Variants in TRHDE observed in about 807,000 individuals in gnomAD.
TRHDE encodes thyrotropin-releasing hormone-degrading ectoenzyme.
Under a neutral mutation model 125.7 loss-of-function variants are expected in TRHDE, and 72 were observed. The observed-to-expected ratio is 0.57, with a 90% CI of 0.47 to 0.70. The LOEUF (loss-of-function observed/expected upper bound fraction) is 0.70, where lower values mean the gene tolerates loss of function less well. Ranked by LOEUF, TRHDE falls within the 30% of genes least tolerant of loss-of-function variation. The pLI, the probability that TRHDE is intolerant of heterozygous loss-of-function variation, is 0.00. For synonymous variants in TRHDE, 509 were observed against 509.1 expected, an observed-to-expected ratio of 1.00 and a Z score of 0.00; for missense variants, 1,110 against 1,327.1, an observed-to-expected ratio of 0.84 and a Z score of 2.54.
At chr12:72,655,629 A>C (rs914062159) in intron 17 of TRHDE, among the ~76,000 whole-genome samples, 1 of 152,142 alleles carries the variant, frequency 6.6e-6, no homozygotes, top group African/African-American at 2.4e-5. Flanking sequence ...AAATTATCTG[A>C]TTACATGTCT....
intron 2 of TRHDE, among the ~76,000 whole-genome samples, chr12:72,359,543 C>A (rs561366653): frequency 6.6e-6 from 1 of 151,616 alleles, no homozygotes; most frequent in African/African-American, 2.4e-5. Flanking sequence ...TTTTTCAAAT[C>A]CCATTTATGG....
intron 2 of TRHDE, among the ~76,000 whole-genome samples, chr12:72,153,278 C>T (rs913747523): frequency 6.6e-6 from 1 of 151,768 alleles, no homozygotes; most frequent in Non-Finnish European, 1.5e-5. Context: ...CTATTTGATT[C>T]TTCTCTCTTT....
intron 2 of TRHDE, among the ~76,000 whole-genome samples, chr12:72,173,025 G>T (rs1004822063): frequency 2.0e-5 from 3 of 152,106 alleles, no homozygotes; most frequent in African/African-American, 7.2e-5. Flanking sequence ...TTAGTGTATT[G>T]CACTTAAAAT....
At chr12:72,634,830 CTCA>C (rs1317514351) in intron 15 of TRHDE, among the ~76,000 whole-genome samples, 4 of 151,656 alleles carry the variant, frequency 2.6e-5, no homozygotes, top group African/African-American at 4.8e-5. Context: ...AGGACATGAA[CTCA>C]TCATTTTTTA....
intron 3 of TRHDE, among the ~76,000 whole-genome samples, chr12:72,454,431 G>C (rs982258304): frequency 6.6e-6 from 1 of 152,064 alleles, no homozygotes; most frequent in Non-Finnish European, 1.5e-5. Flanking sequence ...CCTTGAAAGT[G>C]AACTAATGAG....
chr12:72,464,652 A>C (rs1323885508), intron 3 of TRHDE, among the ~76,000 whole-genome samples: 2 of 152,198 alleles, frequency 1.3e-5, no homozygotes, highest in African/African-American at 4.8e-5. Context: ...AACAAGAAGA[A>C]GGGCTAATCT....
intron 2 of TRHDE, among the ~76,000 whole-genome samples, chr12:72,265,833 T>C (rs1248000975): frequency 6.6e-6 from 1 of 152,046 alleles, no homozygotes; most frequent in Non-Finnish European, 1.5e-5. Flanking sequence ...TTTTATATTA[T>C]GTTACATATC....
At chr12:72,212,023 C>T (rs1424811076) in intron 2 of TRHDE, among the ~76,000 whole-genome samples, 1 of 152,052 alleles carries the variant, frequency 6.6e-6, no homozygotes, top group African/African-American at 2.4e-5. Flanking sequence ...CATACCTATA[C>T]ATATATACAC....
intron 18 of TRHDE, among the ~76,000 whole-genome samples, chr12:72,661,186 G>T (rs1338684718): frequency 6.6e-6 from 1 of 152,092 alleles, no homozygotes; most frequent in African/African-American, 2.4e-5. Flanking sequence ...GAGTTCTTTT[G>T]CAGGATAATC....
chr12:72,358,143 T>C (rs1870905095), intron 2 of TRHDE, among the ~76,000 whole-genome samples: 1 of 151,608 alleles, frequency 6.6e-6, no homozygotes, highest in Non-Finnish European at 1.5e-5. Context: ...ATGAATGGTT[T>C]AAAATTATCA....
At chr12:72,334,460 C>T (rs998936667) in intron 2 of TRHDE, among the ~76,000 whole-genome samples, 2 of 152,174 alleles carry the variant, frequency 1.3e-5, no homozygotes, top group Non-Finnish European at 2.9e-5. Flanking sequence ...GCTAGCAACC[C>T]TGCCCTAATA....
At chr12:72,424,567 G>C (rs564732768) in intron 3 of TRHDE, among the ~76,000 whole-genome samples, 2 of 152,242 alleles carry the variant, frequency 1.3e-5, no homozygotes, top group African/African-American at 4.8e-5. Context: ...CACTAAATTT[G>C]TGTTAACTTG....
At chr12:72,093,913 T>C (rs1006845465) in intron 1 of TRHDE, among the ~76,000 whole-genome samples, 3 of 152,204 alleles carry the variant, frequency 2.0e-5, no homozygotes, top group African/African-American at 7.2e-5. Context: ...TGTATGGCCT[T>C]GCATTGGTAT....
intron 2 of TRHDE, among the ~76,000 whole-genome samples, chr12:72,181,938 T>C (rs1813773373): frequency 6.6e-6 from 1 of 152,220 alleles, no homozygotes; most frequent in Non-Finnish European, 1.5e-5. Context: ...CTTTATGACA[T>C]GATTTTCAGA....
intron 2 of TRHDE, among the ~76,000 whole-genome samples, chr12:72,115,041 C>T (rs1458108200): frequency 6.6e-6 from 1 of 151,496 alleles, no homozygotes; most frequent in Non-Finnish European, 1.5e-5. Context: ...GTAATAATCA[C>T]CTCAGGGTAA....
intron 3 of TRHDE, among the ~76,000 whole-genome samples, chr12:72,456,803 C>G (rs531183891): frequency 6.6e-6 from 1 of 152,116 alleles, no homozygotes; most frequent in East Asian, 1.9e-4. Flanking sequence ...GATACTGGAG[C>G]TTGGAGAGGT....
chr12:72,199,876 A>C (rs1171427942), intron 2 of TRHDE, among the ~76,000 whole-genome samples: 1 of 152,160 alleles, frequency 6.6e-6, no homozygotes, highest in Non-Finnish European at 1.5e-5. Flanking sequence ...TTTGGATCCT[A>C]GTATGAATTT....
chr12:72,483,611 ACAAT>A (rs1295591281), intron 5 of TRHDE, among the ~76,000 whole-genome samples: 1 of 151,966 alleles, frequency 6.6e-6, no homozygotes, highest in Non-Finnish European at 1.5e-5. Flanking sequence ...TACTAATTAT[ACAAT>A]CAGTTTATAA....
At chr12:72,581,066 T>G (rs1047620212) in intron 12 of TRHDE, among the ~76,000 whole-genome samples, 2 of 152,142 alleles carry the variant, frequency 1.3e-5, no homozygotes, top group African/African-American at 4.8e-5. Flanking sequence ...AAAAAAAGTA[T>G]AAACTAGAGA....
Sources: allele counts gnomAD v4.1 joint callset (sites outside exome capture counted in the v4.1 genomes callset), GRCh38; gene constraint gnomAD v4.1.1; transcripts MANE v1.5; gene names NCBI Gene and HGNC (gene_info 2026-07-23, HGNC 2026-07-21).